SRSF4: variants seen among roughly 807,000 people sequenced by gnomAD.
SRSF4 encodes serine/arginine-rich splicing factor 4.
Under a neutral mutation model 48.8 loss-of-function variants are expected in SRSF4, and 12 were observed. The observed-to-expected ratio is 0.25, with a 90% CI of 0.16 to 0.40. The LOEUF (loss-of-function observed/expected upper bound fraction) is 0.40. Among genes scored for constraint, SRSF4 ranks in the 10% least tolerant of loss-of-function variants. The probability of loss-of-function intolerance (pLI) is 1.00; values close to 1 mark genes in which losing one functional copy is unlikely to be tolerated. For missense variants in SRSF4, 466 were observed against 667.1 expected (o/e 0.70, Z 3.32); for synonymous variants, 248 against 232.5 (o/e 1.07, Z -0.61).
chr1:29,168,485 G>C (rs1410354623), intron 1 of SRSF4: 3 of 152,126 alleles, frequency 2.0e-5, no homozygotes, highest in Non-Finnish European at 2.9e-5. Context: ...AAAGTCTCTA[G>C]AGAAAAAAGA....
At chr1:29,162,025 T>C (rs1490555901) in intron 1 of SRSF4, among the ~76,000 whole-genome samples, 2 of 152,240 alleles carry the variant, frequency 1.3e-5, no homozygotes, top group Admixed American at 1.3e-4. Context: ...TGTGCTAGGT[T>C]ACAATGTGTA....
Position 29,181,748 on chromosome 1 carries a change from G to T in SRSF4, c.5C>A (p.Pro2Gln). Residue 2 changes from proline (P) to glutamine (Q), a missense_variant, in exon 1 of 6, where the codon CCG becomes CAG. Pro to Gln is a moderately conservative substitution (Grantham distance 76). Coordinates refer to ENST00000373795, the MANE Select transcript of SRSF4 (RefSeq NM_005626.5). ...GCTCAGGCGGCCGATGTACACCCGC[G>T]GCATCCCGGCAACGGCAGTGATGGC... MPRVYIGRLSYQ... is the reference protein window; with the variant it reads MQRVYIGRLSYQ... The T allele has an allele frequency of 6.3e-7, 1 of 1,578,170 alleles. No individual in the cohort carries two copies.
At chr1:29,151,828 C>T (rs768922116) in intron 4 of SRSF4, among the ~76,000 whole-genome samples, 7 of 152,154 alleles carry the variant, frequency 4.6e-5, no homozygotes, top group Non-Finnish European at 1.0e-4. Flanking sequence ...TCAAATGCTA[C>T]AACAAAATAA....
rs866486741 is a variant in SRSF4, at chr1:29,148,891, C to T, written c.1004G>A (p.Arg335Lys). Residue 335 changes from arginine (R) to lysine (K), a missense_variant, in exon 6 of 6, where the codon AGG becomes AAG. Arg to Lys is a conservative substitution (Grantham distance 26). Transcript: ENST00000373795. ...KSLRQSRSRSRSKGGSRSRSR... is the reference protein window; with the variant it reads ...KSLRQSRSRSKSKGGSRSRSR... The stretch of plus-strand genomic sequence containing the variant: ...CCGGCTCCTGCTGCCCCCTTTGCTC[C>T]TGCTCCGGCTCCGACTCTGGCGGAG... 1 of 1,610,394 alleles carries T rather than the reference C, an allele frequency of 6.2e-7. No individual in the cohort carries two copies. The highest frequency in any genetic ancestry group is 2.2e-5 in the East Asian group (1 of 44,810).
In SRSF4 at chr1:29,151,207, A is replaced by C. The variant is rs559569558; in HGVS notation, c.579-1015T>G. On this transcript the variant is annotated intron_variant, in intron 4 of 5. Coordinates refer to ENST00000373795, the MANE Select transcript of SRSF4 (RefSeq NM_005626.5). ...TCACCTATGAAGTATTCTTGCTAAA[A>C]ATGTTTAACCTGCATCTCAATCACA... Among the ~76,000 whole-genome samples, 103 of 152,352 alleles carry C rather than the reference A, an allele frequency of 6.8e-4. 1 individual carries two copies. The highest frequency in any genetic ancestry group is 2.4e-3 in the African/African-American group (98 of 41,586).
chr1:29,160,162 T>C (rs754673350), intron 2 of SRSF4: 37 of 518,878 alleles, frequency 7.1e-5, no homozygotes, highest in Middle Eastern at 1.1e-3. Context: ...AACATATTTA[T>C]AAAGTATTAT....
rs143748593 is a variant in SRSF4 at position 29,153,855 on chromosome 1, C to T, written c.578+841G>A. On this transcript the variant is annotated intron_variant, in intron 4 of 5. Transcript: ENST00000373795. ...ACCTCAGGTGATCTGCCCGCCTTGG[C>T]CTCCCAAAGTGCTGGGATTACAGGC... 8.0e-3 allele frequency among the ~76,000 whole-genome samples: 1,222 copies of T among 152,240 alleles called. 10 individuals are homozygous for T. The highest frequency in any genetic ancestry group is 0.014 in the Non-Finnish European group (939 of 68,022).
chr1:29,159,061 G>A (rs1672553375), intron 3 of SRSF4, among the ~76,000 whole-genome samples: 1 of 152,018 alleles, frequency 6.6e-6, no homozygotes, highest in South Asian at 2.1e-4. Flanking sequence ...AGCAGAGATG[G>A]TGCCACTGCA....
At chr1:29,171,756 C>T (rs1672747618) in intron 1 of SRSF4, 1 of 152,048 alleles carries the variant, frequency 6.6e-6, no homozygotes, top group African/African-American at 2.4e-5. Context: ...AAACCCAAAC[C>T]ACATTTTATT....
chr1:29,160,447 G>A lies in SRSF4; in HGVS notation c.178C>T (p.Leu60Phe). The change falls in exon 2 of 6, where the codon CTT becomes TTT. Residue 60 changes from leucine (L) to phenylalanine (F), a missense_variant. Physicochemically the swap from Leu to Phe is conservative, Grantham distance 22 (BLOSUM62 0). Coordinates refer to ENST00000373795, the MANE Select transcript of SRSF4 (RefSeq NM_005626.5). ...TCAACAATTACTCGCTCACCACAAA[G>A]GTCTTTGCCATTCAGTTCATAAACA... ...DAVYELNGKDLCGERVIVEHA... is the reference protein window; with the variant it reads ...DAVYELNGKDFCGERVIVEHA... The A allele has an allele frequency of 6.2e-7, 1 of 1,613,844 alleles. No individual in the cohort carries two copies. The highest frequency in any genetic ancestry group is 8.5e-7 in the Non-Finnish European group (1 of 1,179,946).
intron 5 of SRSF4, among the ~76,000 whole-genome samples, chr1:29,149,500 T>C (rs774642825): frequency 1.3e-4 from 20 of 151,896 alleles, no homozygotes; most frequent in Middle Eastern, 6.9e-3. Flanking sequence ...GCCAACATGG[T>C]GAAGCCCCGT....
At chr1:29,149,889 T>C (rs1287975987) in intron 5 of SRSF4, among the ~76,000 whole-genome samples, 1 of 150,970 alleles carries the variant, frequency 6.6e-6, no homozygotes, top group African/African-American at 2.4e-5. Flanking sequence ...ATTAGCTGGG[T>C]GTGGTAGTAT....
chr1:29,160,615 T>G (rs1465702019), intron 1 of SRSF4, 98 bp from the exon 2 acceptor site: 2 of 1,400,970 alleles, frequency 1.4e-6, no homozygotes, highest in Non-Finnish European at 1.9e-6. Flanking sequence ...TAGCAAAGGT[T>G]AGGTGGATTT....
intron 1 of SRSF4, among the ~76,000 whole-genome samples, chr1:29,161,603 A>G (rs1242503070): frequency 6.6e-6 from 1 of 152,144 alleles, no homozygotes; most frequent in African/African-American, 2.4e-5. Context: ...TTATTTATTT[A>G]TTTATTTTAT....
In SRSF4 at chr1:29,148,546, G is replaced by A. The variant is rs1288085218; in HGVS notation, c.1349C>T (p.Ser450Leu). 3.1e-6 allele frequency: 5 copies of A among 1,614,106 alleles called. No homozygotes were observed. Among genetic ancestry groups the A allele is most frequent in the Admixed American group, 1.7e-5 (1 of 60,000 alleles). ...TGATTCTGATGGAAGGTTTGGTTTC[G>A]ATTTGGAATTGGATCTCGACCTGGA... ...TRSRSRSNSK[S>L]KPNLPSESRS... The change falls in exon 6 of 6, where the codon TCG becomes TTG. Residue 450 changes from serine (S) to leucine (L), a missense_variant. By Grantham distance (145) the Ser-to-Leu change is moderately radical. This residue lies in a region of SRSF4 where 402 missense variants were observed against 437.0 expected (regional missense o/e 0.92). Coordinates refer to ENST00000373795, the MANE Select transcript of SRSF4 (RefSeq NM_005626.5).
chr1:29,172,180 T>C (rs1364214730), intron 1 of SRSF4: 1 of 152,242 alleles, frequency 6.6e-6, no homozygotes, highest in Non-Finnish European at 1.5e-5. Flanking sequence ...GTAATAGTTA[T>C]ATTACTAATA....
chr1:29,169,941 T>C (rs900675257), intron 1 of SRSF4: 1 of 152,232 alleles, frequency 6.6e-6, no homozygotes, highest in Non-Finnish European at 1.5e-5. Flanking sequence ...CCAACTTTGT[T>C]TTAGCTATTC....
intron 3 of SRSF4, among the ~76,000 whole-genome samples, chr1:29,158,520 T>C (rs1381161228): frequency 2.0e-5 from 3 of 151,586 alleles, no homozygotes; most frequent in Non-Finnish European, 4.4e-5. Context: ...ACCTCCACCT[T>C]CCAGGTTCAA....
At chr1:29,155,154 A>G (rs1021866093) in intron 3 of SRSF4, among the ~76,000 whole-genome samples, 7 of 152,126 alleles carry the variant, frequency 4.6e-5, no homozygotes, top group African/African-American at 1.4e-4. Flanking sequence ...TTTGGGGCCA[A>G]GTGTGGTGGC....
Sources: gnomAD v4.1 joint callset for allele counts (sites outside exome capture counted in the v4.1 genomes callset) on GRCh38, gnomAD v4.1.1 for gene constraint, gnomAD v4.1.1 regional missense constraint, MANE v1.5 for transcripts, NCBI Gene and HGNC (gene_info 2026-07-23, HGNC 2026-07-21) for gene names.